Variants in CATSPER2 observed in about 807,000 individuals in gnomAD.
The protein encoded by CATSPER2 is cation channel sperm-associated protein 2.
A neutral mutation model predicts 68.8 loss-of-function variants in CATSPER2; 56 were observed. The ratio of observed to expected loss-of-function variants is 0.81; its 90% CI spans 0.66 to 1.02. CATSPER2 has a LOEUF of 1.02. Among genes scored for constraint, CATSPER2 ranks in the 50% least tolerant of loss-of-function variants. The probability of loss-of-function intolerance (pLI) is 0.00; values close to 1 mark genes in which losing one functional copy is unlikely to be tolerated. For synonymous variants in CATSPER2, 198 were observed against 229.9 expected (o/e 0.86, Z 1.26); for missense variants, 582 against 642.0 (o/e 0.91, Z 1.01).
intron 12 of CATSPER2, chr15:43,631,382 C>A: frequency 5.2e-6 from 1 of 191,380 alleles, no homozygotes; most frequent in Admixed American, 5.5e-5. Flanking sequence ...AGGCATGTGC[C>A]ACAACGTCCA....
Position 43,636,159 on chromosome 15 carries a change from T to C in CATSPER2, c.903A>G (p.Ala301=), listed in dbSNP as rs766748156. 3.4e-5 allele frequency: 54 copies of C among 1,609,462 alleles called. 1 individual carries two copies. The highest frequency in any genetic ancestry group is 4.4e-5 in the Non-Finnish European group (52 of 1,176,940). Residue 301 remains alanine (A), a synonymous_variant, in exon 8 of 13, where the codon GCA becomes GCG. Coordinates refer to ENST00000396879, the MANE Select transcript of CATSPER2 (RefSeq NM_172095.4). ...FILFTLDHWY[A]LLQDVWKVPE... is the part of the protein sequence containing the mutation. ...GCACCTTCCAGACGTCCTGAAGCAG[T>C]GCATACCAATGATCCAAGGTGAAGA...
intron 10 of CATSPER2, chr15:43,633,281 T>G: frequency 2.9e-6 from 1 of 340,346 alleles, no homozygotes; most frequent in Non-Finnish European, 5.5e-6. Flanking sequence ...CCTTCCCTTG[T>G]TCTTCTATCA....
intron 1 of CATSPER2, 38 bp from the exon 2 acceptor site, chr15:43,648,101 C>T (rs1221966798): frequency 1.2e-6 from 2 of 1,609,538 alleles, no homozygotes; most frequent in Non-Finnish European, 1.7e-6. Context: ...TCATTTCATT[C>T]TTGGAGCTGC....
chr15:43,640,185 A>C (rs1377422065), intron 5 of CATSPER2, 139 bp downstream of exon 5: 2 of 1,563,800 alleles, frequency 1.3e-6, no homozygotes, highest in Admixed American at 3.8e-5. Context: ...ATTGATGTTT[A>C]GTTTTAGGGA....
In CATSPER2 at chr15:43,638,908, A is replaced by C; in HGVS notation, c.838T>G (p.Phe280Val). 3.7e-6 allele frequency: 6 copies of C among 1,613,072 alleles called. No homozygotes were observed. Among genetic ancestry groups the C allele is most frequent in the Non-Finnish European group, 5.1e-6 (6 of 1,179,418 alleles). Residue 280 changes from phenylalanine (F) to valine (V), a missense_variant, in exon 7 of 13, where the codon TTC becomes GTC. Physicochemically the swap from Phe to Val is conservative, Grantham distance 50. Transcript: ENST00000396879. ...PRQDLEYHVF[F>V]SDLPNSLVTV... ...GCTGTCCCCAGCTCTGCTTACGAGAAGAACACATGGTACTCCAGGTCCTGA... is the reference window on the plus strand; with the variant it reads ...GCTGTCCCCAGCTCTGCTTACGAGACGAACACATGGTACTCCAGGTCCTGA...
chr15:43,639,251 T>G (rs2447195), intron 6 of CATSPER2, among the ~76,000 whole-genome samples: 2 of 142,976 alleles, frequency 1.4e-5, no homozygotes, highest in African/African-American at 5.4e-5. Flanking sequence ...TTTCATATAT[T>G]TTTTTTTTTT....
rs761000751 is a variant in CATSPER2 at position 43,647,441 on chromosome 15, A to G, written c.172T>C (p.Leu58=). 8.7e-6 allele frequency: 14 copies of G among 1,611,098 alleles called. No homozygotes were observed. Among genetic ancestry groups the G allele is most frequent in the Non-Finnish European group, 1.2e-5 (14 of 1,178,770 alleles). The change falls in exon 3 of 13, where the codon TTG becomes CTG. Residue 58 remains leucine (L), a synonymous_variant. Transcript: ENST00000396879. ...LDPSRQKKLV[L]GDQHQLVRFS... ...CGCACTAGCTGGTGTTGATCTCCCA[A>G]TACAAGTTTCTTCTGGCGGGAAGGA... is the stretch of plus-strand genomic sequence containing the variant.
intron 4 of CATSPER2, among the ~76,000 whole-genome samples, chr15:43,645,070 T>G (rs1352630426): frequency 1.3e-5 from 2 of 151,916 alleles, no homozygotes; most frequent in Admixed American, 6.6e-5. Flanking sequence ...GACTATTTTA[T>G]TTTTTTGAGA....
chr15:43,648,864 G>T (rs1481052929), upstream of CATSPER2: 23 of 1,513,996 alleles, frequency 1.5e-5, no homozygotes, highest in Non-Finnish European at 1.8e-5. Context: ...GCCACTCGCC[G>T]CCTAGGCCCC....
chr15:43,640,204 CAAA>C (rs1464846822), intron 5 of CATSPER2, 117 bp downstream of exon 5: 1 of 1,577,798 alleles, frequency 6.3e-7, no homozygotes, highest in African/African-American at 1.4e-5. Context: ...GAAAAAAAAT[CAAA>C]AGAAAGAAGT....
rs560004806 is a variant in CATSPER2, at chr15:43,635,774, C to T, written c.1074G>A (p.Arg358=). 8 of 1,613,594 alleles carry T rather than the reference C, an allele frequency of 5.0e-6. No individual in the cohort carries two copies. In the South Asian group the frequency reaches 5.5e-5, roughly 11 times the overall value. ...ACATGTCAGCTTTGAGCTGAACCTC[C>T]CGACGCGCCATCTCCTCATTCAGCT... ...RKELNEEMAR[R]EVQLKADMFK... Residue 358 remains arginine (R), a synonymous_variant, in exon 9 of 13, where the codon CGG becomes CGA. Transcript: ENST00000396879.
chr15:43,639,889 C>T (rs1161033767), intron 5 of CATSPER2, 91 bp from the exon 6 acceptor site: 1 of 1,604,300 alleles, frequency 6.2e-7, no homozygotes. Flanking sequence ...TCATTGTTCC[C>T]TGGGCGTTAT....
At chr15:43,636,259 T>A (rs1449603810) in intron 7 of CATSPER2, 40 bp from the exon 8 acceptor site, 1 of 1,607,618 alleles carries the variant, frequency 6.2e-7, no homozygotes, top group South Asian at 1.1e-5. Flanking sequence ...AGCAGAGACC[T>A]AAACCTTTCA....
Position 43,638,990 on chromosome 15 carries a change from G to A in CATSPER2, c.756C>T (p.Phe252=), listed in dbSNP as rs771418615. 1.2e-6 allele frequency: 2 copies of A among 1,612,932 alleles called. No individual in the cohort carries two copies. The highest frequency in any genetic ancestry group is 1.1e-5 in the South Asian group (1 of 91,032). ...TFLLMLLLIF[F]YIFAVTGVYV... is the part of the protein sequence containing the mutation. Reference sequence around the variant, plus strand: ...AGACACCAGTCACAGCAAAAATGTAGAAGAAGATGAGCAGCAACATCAAGA... The same window carrying A: ...AGACACCAGTCACAGCAAAAATGTAAAAGAAGATGAGCAGCAACATCAAGA... Residue 252 remains phenylalanine, a synonymous_variant, in exon 7 of 13, where the codon TTC becomes TTT. Transcript: ENST00000396879.
intron 12 of CATSPER2, among the ~76,000 whole-genome samples, chr15:43,630,972 T>G (rs112662568): frequency 0.011 from 1,669 of 151,980 alleles, 31 homozygotes; most frequent in Middle Eastern, 0.066. Context: ...AAGTGGGAAG[T>G]CAGGGCTAAG....
In CATSPER2 at chr15:43,639,769, T is replaced by A; in HGVS notation, c.591A>T (p.Val197=). 1 of 1,611,580 alleles carries A rather than the reference T, an allele frequency of 6.2e-7. No individual in the cohort carries two copies. The part of the protein sequence containing the change: ...LSLLPEVVVL[V]GVTGQSVWLQ... ...GCCACACCGATTGGCCTGTTACCCC[T>A]ACCAATACCACAACCTCGGGAAGCA... Residue 197 remains valine (V), a synonymous_variant, in exon 6 of 13, where the codon GTA becomes GTT. Transcript: ENST00000396879.
At chr15:43,637,620 GT>G (rs2085986587) in intron 7 of CATSPER2, 7 of 151,940 alleles carry the variant, frequency 4.6e-5, no homozygotes, top group African/African-American at 1.7e-4. Context: ...CTGATTAGTG[GT>G]TTAATATTTA....
chr15:43,643,479 A>G (rs1310612260), intron 4 of CATSPER2, among the ~76,000 whole-genome samples: 1 of 151,712 alleles, frequency 6.6e-6, no homozygotes, highest in East Asian at 1.9e-4. Flanking sequence ...CTGGGACCAT[A>G]GATGCGCATC....
chr15:43,631,701 A>G (rs2141544716), intron 12 of CATSPER2, among the ~76,000 whole-genome samples: 1 of 152,092 alleles, frequency 6.6e-6, no homozygotes, highest in South Asian at 2.1e-4. Context: ...TACAAACAGA[A>G]GTTTAGAATT....
Sources: allele counts gnomAD v4.1 joint callset (sites outside exome capture counted in the v4.1 genomes callset), GRCh38; gene constraint gnomAD v4.1.1; transcripts MANE v1.5; gene names NCBI Gene and HGNC (gene_info 2026-07-23, HGNC 2026-07-21).